The following TBC1D22A variants were observed in gnomAD, a reference collection of about 807,000 sequenced individuals.
TBC1D22A encodes TBC1 domain family member 22A, also known as putative GTPase activator.
A neutral mutation model predicts 60.2 loss-of-function variants in TBC1D22A; 38 were observed. That is an observed-to-expected ratio of 0.63 (90% CI 0.49 to 0.83). TBC1D22A has a LOEUF of 0.83. TBC1D22A is among the 40% of genes least tolerant of loss of function. TBC1D22A has a pLI of 0.00. For missense variants in TBC1D22A, 628 were observed against 701.0 expected, an observed-to-expected ratio of 0.90 and a Z score of 1.18; for synonymous variants, 302 against 281.7, an observed-to-expected ratio of 1.07 and a Z score of -0.72.
intron 11 of TBC1D22A, among the ~76,000 whole-genome samples, chr22:47,044,136 G>A (rs1005869836): frequency 5.9e-5 from 9 of 152,214 alleles, no homozygotes; most frequent in African/African-American, 1.7e-4. Flanking sequence ...GTAGGGGGCC[G>A]ATTGCTGTGT....
intron 10 of TBC1D22A, among the ~76,000 whole-genome samples, chr22:47,002,428 C>T (rs531431962): frequency 6.6e-6 from 1 of 152,314 alleles, no homozygotes; most frequent in South Asian, 2.1e-4. Flanking sequence ...CCAGCCCCAC[C>T]TGGTACTCAG....
intron 11 of TBC1D22A, among the ~76,000 whole-genome samples, chr22:47,037,473 A>T (rs1286887462): frequency 6.6e-6 from 1 of 152,094 alleles, no homozygotes; most frequent in Non-Finnish European, 1.5e-5. Flanking sequence ...TCTACTAAAA[A>T]CAGAAAAAAT....
chr22:47,041,927 C>T (rs73888822), intron 11 of TBC1D22A, among the ~76,000 whole-genome samples: 2,259 of 152,288 alleles, frequency 0.015, 67 homozygotes, highest in African/African-American at 0.051. Flanking sequence ...TTTGCTTGCC[C>T]GCCCTAACCT....
At chr22:46,809,151 C>G (rs1342698372) in intron 4 of TBC1D22A, among the ~76,000 whole-genome samples, 1 of 152,162 alleles carries the variant, frequency 6.6e-6, no homozygotes, top group Admixed American at 6.5e-5. Flanking sequence ...AGTCCAGGAC[C>G]GGGGTGCTGG....
In TBC1D22A at chr22:46,826,049, A is replaced by AT. The variant is rs562287226; in HGVS notation, c.637+28435dup. On this transcript the variant is annotated intron_variant, in intron 4 of 12. Transcript: ENST00000337137. Reference sequence around the variant, plus strand: ...AGGTGCCCACCACCACGCCTGGCTAATTTTTTGTATTTTTAGTGAGATGGG... The same window carrying AT: ...AGGTGCCCACCACCACGCCTGGCTAATTTTTTTGTATTTTTAGTGAGATGGG... Among the ~76,000 whole-genome samples the AT allele has an allele frequency of 2.0e-3, 308 of 151,950 alleles. 1 individual carries two copies. Among genetic ancestry groups the AT allele is most frequent in the Non-Finnish European group, 3.6e-3 (246 of 67,926 alleles).
intron 4 of TBC1D22A, among the ~76,000 whole-genome samples, chr22:46,814,088 A>C (rs1454711493): frequency 1.3e-5 from 2 of 152,214 alleles, no homozygotes; most frequent in African/African-American, 4.8e-5. Flanking sequence ...TGGCAGGAGC[A>C]CCAGCCTTAC....
intron 11 of TBC1D22A, among the ~76,000 whole-genome samples, chr22:47,061,965 G>C (rs2063591966): frequency 6.6e-6 from 1 of 151,570 alleles, no homozygotes; most frequent in African/African-American, 2.4e-5. Context: ...GTGCATGCCA[G>C]TGATCCCAGC....
At chr22:46,917,801 C>G (rs1214151484) in intron 8 of TBC1D22A, among the ~76,000 whole-genome samples, 1 of 152,092 alleles carries the variant, frequency 6.6e-6, no homozygotes, top group Non-Finnish European at 1.5e-5. Flanking sequence ...TGTCAGGGGT[C>G]TCCGAGCTGT....
chr22:47,111,114 C>T (rs2065828406), intron 11 of TBC1D22A, among the ~76,000 whole-genome samples: 1 of 152,234 alleles, frequency 6.6e-6, no homozygotes, highest in African/African-American at 2.4e-5. Context: ...GTTTCCTCAT[C>T]TGTGGAGTGG....
At chr22:47,149,673 C>T (rs1055365211) in intron 12 of TBC1D22A, among the ~76,000 whole-genome samples, 1 of 152,230 alleles carries the variant, frequency 6.6e-6, no homozygotes, top group Non-Finnish European at 1.5e-5. Context: ...CAGGGAGGTA[C>T]CCGCAGTGGC....
chr22:46,792,223 C>T (rs966407483), intron 1 of TBC1D22A, among the ~76,000 whole-genome samples: 3 of 152,208 alleles, frequency 2.0e-5, no homozygotes, highest in Admixed American at 6.5e-5. Flanking sequence ...CCCTCATCAC[C>T]GTGTAGATGC....
intron 4 of TBC1D22A, among the ~76,000 whole-genome samples, chr22:46,844,320 C>T (rs938498245): frequency 6.6e-6 from 1 of 152,140 alleles, no homozygotes; most frequent in Non-Finnish European, 1.5e-5. Flanking sequence ...CTGCTTCCTT[C>T]TCTTCTTACT....
chr22:47,161,054 G>T (rs910095366), intron 12 of TBC1D22A, among the ~76,000 whole-genome samples: 1 of 152,206 alleles, frequency 6.6e-6, no homozygotes, highest in African/African-American at 2.4e-5. Flanking sequence ...AGCACATGCT[G>T]GTCAGGCCCT....
At chr22:47,116,196 C>T (rs913593872) in intron 12 of TBC1D22A, 3 of 152,270 alleles carry the variant, frequency 2.0e-5, no homozygotes, top group Non-Finnish European at 4.4e-5. Context: ...GAGTGCCCAC[C>T]AGAAGTGGGA....
rs543386023 is a variant in TBC1D22A, at chr22:47,070,586, C to T, written c.1329+33388C>T. Among the ~76,000 whole-genome samples the T allele has an allele frequency of 1.1e-3, 161 of 149,012 alleles. 2 individuals carry two copies. Among genetic ancestry groups the T allele is most frequent in the African/African-American group, 3.7e-3 (148 of 40,506 alleles). ...GCTGTCCCCTGTTGTTTGGTTGGAG[C>T]GGAGCTGACCTGACGGTTCCAGGCT... On this transcript the variant is annotated intron_variant, in intron 11 of 12. Coordinates refer to ENST00000337137, the MANE Select transcript of TBC1D22A (RefSeq NM_014346.5).
chr22:46,860,437 CGGGGCCAGAA>C lies in TBC1D22A; in HGVS notation c.638-18215_638-18206del, dbSNP rs1428025894. ...GTCCGCGCAGTGCTGTGCCCCTTCC[CGGGGCCAGAA>C]TCCTTTTCCATAGAGGTCCGCGCAG... On this transcript the variant is annotated intron_variant, in intron 4 of 12. Transcript: ENST00000337137. 1.6e-4 allele frequency among the ~76,000 whole-genome samples: 5 copies of C among 30,846 alleles called. 1 individual carries two copies. Among genetic ancestry groups the C allele is most frequent in the African/African-American group, 1.4e-3 (5 of 3,566 alleles). 20.2% of individuals were successfully genotyped at this position (30,846 alleles called of 152,430 possible). A position where few individuals can be genotyped will look rare whatever the true frequency, so the allele number is the denominator to read the frequency against.
intron 4 of TBC1D22A, among the ~76,000 whole-genome samples, chr22:46,836,068 A>G (rs1316965762): frequency 6.6e-6 from 1 of 152,210 alleles, no homozygotes; most frequent in African/African-American, 2.4e-5. Context: ...TAAAAGAACT[A>G]TGAAAGGGAG....
intron 11 of TBC1D22A, among the ~76,000 whole-genome samples, chr22:47,039,848 A>G (rs760781081): frequency 1.3e-5 from 2 of 151,582 alleles, no homozygotes; most frequent in South Asian, 2.1e-4. Flanking sequence ...GCCTCAGGAA[A>G]CTTGCAATCA....
At chr22:47,082,723 A>G (rs1166331794) in intron 11 of TBC1D22A, among the ~76,000 whole-genome samples, 1 of 152,248 alleles carries the variant, frequency 6.6e-6, no homozygotes, top group Non-Finnish European at 1.5e-5. Context: ...GAAAGAACTG[A>G]CAACACTAAG....
Sources: allele counts gnomAD v4.1 joint callset (sites outside exome capture counted in the v4.1 genomes callset), GRCh38; gene constraint gnomAD v4.1.1; transcripts MANE v1.5; gene names NCBI Gene and HGNC (gene_info 2026-07-23, HGNC 2026-07-21).